Variants in CEACAM20 observed in about 807,000 individuals in gnomAD.
CEACAM20 encodes CEA cell adhesion molecule 20.
In CEACAM20, 50 loss-of-function variants were observed where a neutral mutation model predicts 61.2. The ratio of observed to expected loss-of-function variants is 0.82; its 90% CI spans 0.65 to 1.03. The LOEUF (loss-of-function observed/expected upper bound fraction) is 1.03, where lower values mean the gene tolerates loss of function less well. Among genes scored for constraint, CEACAM20 ranks in the 50% least tolerant of loss-of-function variants. CEACAM20 has a pLI of 0.00. For synonymous variants in CEACAM20, 282 were observed against 287.7 expected, an observed-to-expected ratio of 0.98 and a Z score of 0.20; for missense variants, 683 against 736.4, an observed-to-expected ratio of 0.93 and a Z score of 0.84.
intron 8 of CEACAM20, 32 bp downstream of exon 8, chr19:44,512,836 C>G (rs749357672): frequency 6.3e-7 from 1 of 1,580,322 alleles, no homozygotes; most frequent in East Asian, 2.2e-5. Flanking sequence ...CTCACCCCTG[C>G]CCCAGGCATC....
intron 3 of CEACAM20, among the ~76,000 whole-genome samples, chr19:44,523,193 G>T (rs1032372699): frequency 5.3e-5 from 8 of 152,022 alleles, no homozygotes; most frequent in African/African-American, 1.9e-4. Context: ...AGAATTGCTT[G>T]GAGCAAGGAG....
intron 1 of CEACAM20, among the ~76,000 whole-genome samples, chr19:44,528,310 C>T (rs1568461612): frequency 6.6e-6 from 1 of 151,918 alleles, no homozygotes; most frequent in African/African-American, 2.4e-5. Flanking sequence ...TTCACTGCAA[C>T]TTCTGCCTCC....
Position 44,527,807 on chromosome 19 carries a change from C to T in CEACAM20, c.52+1651G>A, listed in dbSNP as rs143085318. 3.6e-3 allele frequency among the ~76,000 whole-genome samples: 549 copies of T among 152,384 alleles called. 1 individual carries two copies. Among genetic ancestry groups the T allele is most frequent in the Non-Finnish European group, 5.3e-3 (361 of 68,040 alleles). The stretch of plus-strand genomic sequence containing the variant: ...GCAAGGCTGGGCTGAGCCCTCACCT[C>T]TGCACATGACCTGTTGCAAAATCAT... On this transcript the variant is annotated intron_variant, in intron 1 of 11. Transcript: ENST00000614924.
chr19:44,516,281 T>C (rs1206582697), intron 6 of CEACAM20, among the ~76,000 whole-genome samples: 1 of 152,220 alleles, frequency 6.6e-6, no homozygotes, highest in Non-Finnish European at 1.5e-5. Context: ...GGTATATCTC[T>C]GACTCATTGT....
intron 2 of CEACAM20, 85 bp from the exon 3 acceptor site, chr19:44,524,346 C>G (rs1971464614): frequency 6.3e-6 from 9 of 1,432,712 alleles, no homozygotes; most frequent in Non-Finnish European, 1.9e-6. Flanking sequence ...CCCAGAGAAA[C>G]AGGACTAGAT....
chr19:44,506,314 T>G (rs1301989891), intron 11 of CEACAM20, 100 bp from the exon 12 acceptor site: 1 of 1,046,296 alleles, frequency 9.6e-7, no homozygotes, highest in Non-Finnish European at 1.4e-6. Context: ...CTTTCCTTTC[T>G]TTGGAAATTC....
At chr19:44,511,872 C>G (rs898542875) in intron 9 of CEACAM20, 145 bp downstream of exon 9, 239 of 899,292 alleles carry the variant, frequency 2.7e-4, no homozygotes, top group Non-Finnish European at 1.0e-4. Flanking sequence ...TTGAGATCCT[C>G]AGAGAAGTCA....
intron 5 of CEACAM20, among the ~76,000 whole-genome samples, chr19:44,519,700 T>G (rs1971295467): frequency 1.3e-5 from 2 of 152,308 alleles, no homozygotes; most frequent in South Asian, 4.1e-4. Flanking sequence ...CAGTTGCCAT[T>G]CTGGTCCAGC....
chr19:44,521,692 G>C (rs891004617), intron 4 of CEACAM20, among the ~76,000 whole-genome samples: 6 of 151,914 alleles, frequency 3.9e-5, no homozygotes, highest in African/African-American at 1.5e-4. Flanking sequence ...TTTGTGATGA[G>C]TGAGTTGTAC....
At position 44,513,282 on chromosome 19, in the gene CEACAM20, C is replaced by A. The variant is rs1007878315; in HGVS notation, c.1317G>T (p.Gln439His). 1.9e-6 allele frequency: 3 copies of A among 1,610,256 alleles called. No homozygotes were observed. The highest frequency in any genetic ancestry group is 2.7e-5 in the African/African-American group (2 of 74,810). The stretch of plus-strand genomic sequence containing the variant: ...TGGCCCCTGAGGACAGGGAGGAGGA[C>A]TGGGGACCTGGGCAAGGAGACAGAA... ...TSVLVKVVGP[Q>H]SSSLSSGAIA... The change falls in exon 7 of 12, where the codon CAG becomes CAT. Residue 439 changes from glutamine to histidine, a missense_variant. Physicochemically the swap from Gln to His is conservative, Grantham distance 24. Coordinates refer to ENST00000614924, the MANE Select transcript of CEACAM20 (RefSeq NM_001102597.3).
At chr19:44,525,390 T>A (rs1481454141) in intron 1 of CEACAM20, 146 bp from the exon 2 acceptor site, 1 of 672,212 alleles carries the variant, frequency 1.5e-6, no homozygotes, top group Admixed American at 3.7e-5. Context: ...TACTTACAGC[T>A]ATGTGACCTG....
intron 5 of CEACAM20, 98 bp from the exon 6 acceptor site, chr19:44,517,322 CA>C: frequency 7.1e-7 from 1 of 1,414,060 alleles, no homozygotes; most frequent in Non-Finnish European, 9.7e-7. Context: ...GTAAAATAAA[CA>C]GAACATACTC....
intron 11 of CEACAM20, 29 bp downstream of exon 11, chr19:44,511,001 T>A: frequency 6.2e-7 from 1 of 1,613,594 alleles, no homozygotes. Context: ...TTTCCACCTG[T>A]CCAAAGACTC....
intron 11 of CEACAM20, among the ~76,000 whole-genome samples, chr19:44,509,830 G>A (rs1370293541): frequency 6.6e-6 from 1 of 152,032 alleles, no homozygotes; most frequent in Non-Finnish European, 1.5e-5. Flanking sequence ...GAAATATAAA[G>A]AATAAGAACT....
At chr19:44,528,183 CCTTT>C (rs1291616613) in intron 1 of CEACAM20, among the ~76,000 whole-genome samples, 30 of 131,526 alleles carry the variant, frequency 2.3e-4, no homozygotes, top group South Asian at 4.8e-4. Flanking sequence ...TTCTTTCTTT[CCTTT>C]CTTTCTTTCC....
chr19:44,511,105 C>A lies in CEACAM20; in HGVS notation c.1662G>T (p.Lys554Asn), dbSNP rs770595487. 6.2e-7 allele frequency: 1 copy of A among 1,613,864 alleles called. No individual in the cohort carries two copies. The highest frequency in any genetic ancestry group is 1.3e-5 in the African/African-American group (1 of 74,916). ...SRRGNSFSPW[K>N]PPPKPLMPPL... ...GGGGCATCAGAGGTTTGGGTGGTGG[C>A]TTCCAGGGGCTGAAAGAATTGCCTC... The change falls in exon 11 of 12, where the codon AAG (lysine) becomes AAT (asparagine). Residue 554 changes from lysine (K) to asparagine (N), a missense_variant. Physicochemically the swap from Lys to Asn is moderately conservative, Grantham distance 94. Coordinates refer to ENST00000614924, the MANE Select transcript of CEACAM20 (RefSeq NM_001102597.3).
chr19:44,529,315 CTA>C, intron 1 of CEACAM20, 141 bp downstream of exon 1: 1 of 726,672 alleles, frequency 1.4e-6, no homozygotes, highest in Middle Eastern at 2.5e-4. Flanking sequence ...CTCTGTGTCT[CTA>C]TTTTTTTTCT....
At chr19:44,527,590 G>A (rs956292223) in intron 1 of CEACAM20, among the ~76,000 whole-genome samples, 5 of 151,894 alleles carry the variant, frequency 3.3e-5, no homozygotes, top group African/African-American at 1.2e-4. Context: ...AGCCTGCCAT[G>A]GCCCCTTCCC....
At chr19:44,515,107 G>T (rs1281856745) in intron 6 of CEACAM20, among the ~76,000 whole-genome samples, 3 of 152,006 alleles carry the variant, frequency 2.0e-5, no homozygotes, top group Non-Finnish European at 4.4e-5. Context: ...CAAAGTGCTG[G>T]GATTACAGAC....
Sources: allele counts gnomAD v4.1 joint callset (sites outside exome capture counted in the v4.1 genomes callset), GRCh38; gene constraint gnomAD v4.1.1; transcripts MANE v1.5; gene names NCBI Gene and HGNC (gene_info 2026-07-23, HGNC 2026-07-21).